The following SPAG9 variants were observed in gnomAD, a reference collection of about 807,000 sequenced individuals.
SPAG9 encodes C-Jun-amino-terminal kinase-interacting protein 4.
Under a neutral mutation model 166.5 loss-of-function variants are expected in SPAG9, and 35 were observed. That is an observed-to-expected ratio of 0.21 (90% CI 0.16 to 0.28). The LOEUF is 0.28. Among genes scored for constraint, SPAG9 ranks in the 10% least tolerant of loss-of-function variants. The pLI is 1.00. For synonymous variants in SPAG9, 534 were observed against 565.5 expected, an observed-to-expected ratio of 0.94 and a Z score of 0.79; for missense variants, 1,235 against 1,603.3, an observed-to-expected ratio of 0.77 and a Z score of 3.92.
At chr17:51,102,812 A>ATT (rs1306095365) in intron 1 of SPAG9, among the ~76,000 whole-genome samples, 6 of 152,102 alleles carry the variant, frequency 3.9e-5, no homozygotes, top group African/African-American at 1.4e-4. Context: ...CATTATTAAT[A>ATT]TTATCACTGT....
chr17:51,117,483 G>A (rs1014003345), intron 1 of SPAG9, among the ~76,000 whole-genome samples: 13 of 151,920 alleles, frequency 8.6e-5, no homozygotes, highest in Non-Finnish European at 1.3e-4. Flanking sequence ...AGGCTGAGGC[G>A]GGCAGATCAC....
chr17:51,052,472 C>T (rs1318270757), intron 3 of SPAG9, among the ~76,000 whole-genome samples: 2 of 152,130 alleles, frequency 1.3e-5, no homozygotes, highest in Non-Finnish European at 2.9e-5. Context: ...AGGATAGAAG[C>T]TGCTCATAAC....
At chr17:50,970,953 T>G (rs1381097093) in intron 28 of SPAG9, 97 bp from the exon 29 acceptor site, 1 of 1,001,284 alleles carries the variant, frequency 1.0e-6, no homozygotes, top group Non-Finnish European at 1.5e-6. Flanking sequence ...AACAAAAAGG[T>G]AAATATATTC....
chr17:51,009,019 C>T (rs543729718), intron 9 of SPAG9: 1 of 360,300 alleles, frequency 2.8e-6, no homozygotes, highest in East Asian at 8.3e-5. Context: ...ATATGAAAGG[C>T]AAAAAAATAG....
At chr17:50,986,696 TAGTAAAAAATTCACTAAAAGTTG>T (rs1468913608) in intron 22 of SPAG9, among the ~76,000 whole-genome samples, 1 of 152,212 alleles carries the variant, frequency 6.6e-6, no homozygotes, top group Non-Finnish European at 1.5e-5. Flanking sequence ...TTACCTATCT[TAGTAAAAAATTCACTAAAAGTTG>T]GGATTGGGCC....
chr17:51,018,083 T>C lies in SPAG9; in HGVS notation c.1091+2076A>G, dbSNP rs545287246. ...TTGGATAATCCTGATTAAGATGATATCTAATCTCCCAGCACTTTGGGAGGC... is the reference window on the plus strand; with the variant it reads ...TTGGATAATCCTGATTAAGATGATACCTAATCTCCCAGCACTTTGGGAGGC... On this transcript the variant is annotated intron_variant, in intron 8 of 29. Coordinates refer to ENST00000262013, the MANE Select transcript of SPAG9 (RefSeq NM_001130528.3). Among the ~76,000 whole-genome samples, 16 of 152,176 alleles carry C rather than the reference T, an allele frequency of 1.1e-4. No homozygotes were observed. In the South Asian group the frequency reaches 3.3e-3, roughly 32 times the overall value.
At chr17:51,110,878 G>A (rs2049089788) in intron 1 of SPAG9, among the ~76,000 whole-genome samples, 1 of 152,068 alleles carries the variant, frequency 6.6e-6, no homozygotes, top group South Asian at 2.1e-4. Flanking sequence ...CCACCACTTT[G>A]GGAGGCCGAG....
intron 26 of SPAG9, among the ~76,000 whole-genome samples, chr17:50,979,151 A>G (rs990242826): frequency 6.6e-6 from 1 of 151,840 alleles, no homozygotes; most frequent in African/African-American, 2.4e-5. Context: ...GTCTGGGCCA[A>G]TCACTTGAGC....
At chr17:51,079,414 T>C (rs1258356164) in intron 2 of SPAG9, among the ~76,000 whole-genome samples, 170 bp downstream of exon 2, 1 of 152,110 alleles carries the variant, frequency 6.6e-6, no homozygotes, top group Non-Finnish European at 1.5e-5. Context: ...AATTTTTGTA[T>C]TTTTAGTAGA....
chr17:51,053,850 AAAAAGT>A (rs1314266228), intron 3 of SPAG9, among the ~76,000 whole-genome samples: 8 of 57,210 alleles, frequency 1.4e-4, no homozygotes, highest in African/African-American at 6.3e-4. Flanking sequence ...AAAAAAAAAA[AAAAAGT>A]ATATATATAT....
intron 8 of SPAG9, 54 bp downstream of exon 8, chr17:51,020,105 T>A (rs1166502621): frequency 2.0e-6 from 2 of 1,005,334 alleles, no homozygotes; most frequent in Non-Finnish European, 3.2e-6. Flanking sequence ...ACAGTGTTTA[T>A]GGGAGTTGGG....
intron 1 of SPAG9, chr17:51,084,099 A>G (rs1044607243): frequency 2.6e-4 from 40 of 152,096 alleles, no homozygotes; most frequent in African/African-American, 9.2e-4. Context: ...TTCAAGAAAC[A>G]TCTACTGACT....
intron 9 of SPAG9, among the ~76,000 whole-genome samples, chr17:51,010,160 A>G (rs1019994121): frequency 3.3e-5 from 5 of 152,204 alleles, no homozygotes; most frequent in Non-Finnish European, 5.9e-5. Context: ...CTTCAGAGTT[A>G]TATGGTAATC....
chr17:51,023,592 AT>A (rs2046029988), intron 6 of SPAG9, among the ~76,000 whole-genome samples: 1 of 152,192 alleles, frequency 6.6e-6, no homozygotes, highest in Non-Finnish European at 1.5e-5. Context: ...TTATCAATAA[AT>A]AATCTCTCTA....
intron 3 of SPAG9, among the ~76,000 whole-genome samples, chr17:51,053,851 AAAAGTATATATATATAT>A (rs1489631035): frequency 2.1e-4 from 14 of 65,424 alleles, no homozygotes; most frequent in South Asian, 9.1e-4. Context: ...AAAAAAAAAA[AAAAGTATATATATATAT>A]ATATATATAT....
intron 2 of SPAG9, among the ~76,000 whole-genome samples, chr17:51,069,878 A>T (rs2047774220): frequency 6.6e-6 from 1 of 152,178 alleles, no homozygotes; most frequent in Admixed American, 6.5e-5. Flanking sequence ...TTCAGTGCCA[A>T]CAACATTTTT....
intron 3 of SPAG9, among the ~76,000 whole-genome samples, chr17:51,054,550 C>A (rs1274653642): frequency 2.6e-5 from 4 of 151,986 alleles, no homozygotes; most frequent in Non-Finnish European, 5.9e-5. Context: ...CATTCTCCTG[C>A]CTCAGCCTCC....
chr17:51,047,352 G>T, intron 4 of SPAG9, 23 bp downstream of exon 4: 1 of 1,315,970 alleles, frequency 7.6e-7, no homozygotes, highest in Non-Finnish European at 1.1e-6. Context: ...TTTTCTCAAG[G>T]CAAAATATAT....
At chr17:51,075,195 C>CAAAAAA (rs57533555) in intron 2 of SPAG9, among the ~76,000 whole-genome samples, 104 of 28,694 alleles carry the variant, frequency 3.6e-3, no homozygotes, top group African/African-American at 4.6e-3. Flanking sequence ...GACTCCATCT[C>CAAAAAA]AAAAAAAAAA....
Sources: allele counts gnomAD v4.1 joint callset (sites outside exome capture counted in the v4.1 genomes callset), GRCh38; gene constraint gnomAD v4.1.1; transcripts MANE v1.5; gene names NCBI Gene and HGNC (gene_info 2026-07-23, HGNC 2026-07-21).